Variants in CPOX observed in about 807,000 individuals in gnomAD.
CPOX encodes the protein oxygen-dependent coproporphyrinogen-III oxidase, mitochondrial.
CPOX carries 24 observed loss-of-function variants against 48.9 expected under a neutral mutation model. The ratio of observed to expected loss-of-function variants is 0.49; its 90% CI spans 0.36 to 0.69. The LOEUF is 0.69. CPOX is among the 30% of genes least tolerant of loss of function. The pLI, the probability that CPOX is intolerant of heterozygous loss-of-function variation, is 0.00. For missense variants in CPOX, 549 were observed against 597.3 expected, an observed-to-expected ratio of 0.92 and a Z score of 0.84; for synonymous variants, 249 against 234.6, an observed-to-expected ratio of 1.06 and a Z score of -0.56.
chr3:98,572,378 A>T, the CPOX span, among the ~76,000 whole-genome samples: 1 of 151,786 alleles, frequency 6.6e-6, no homozygotes, highest in Non-Finnish European at 1.5e-5. Flanking sequence ...TATAGCTATC[A>T]TTTTTTACTT....
intron 1 of CPOX, among the ~76,000 whole-genome samples, chr3:98,591,748 G>A (rs1443956580): frequency 6.6e-6 from 1 of 152,090 alleles, no homozygotes; most frequent in Non-Finnish European, 1.5e-5. Context: ...TTTCATGAAA[G>A]TTCATGTTTG....
chr3:98,572,071 C>T, the CPOX span, among the ~76,000 whole-genome samples: 1 of 152,152 alleles, frequency 6.6e-6, no homozygotes, highest in Non-Finnish European at 1.5e-5. Context: ...AAGTTAGAGA[C>T]ACTTTGTTAC....
At chr3:98,582,503 T>C (rs955817183) in intron 5 of CPOX, among the ~76,000 whole-genome samples, 16 of 152,014 alleles carry the variant, frequency 1.1e-4, no homozygotes, top group Non-Finnish European at 5.9e-5. Flanking sequence ...CTTTTCTTTT[T>C]TTTTTTTGAG....
At chr3:98,575,132 C>G (rs1707140845), downstream of CPOX, among the ~76,000 whole-genome samples, 1 of 152,188 alleles carries the variant, frequency 6.6e-6, no homozygotes, top group Admixed American at 6.5e-5. Context: ...AAGCATTATT[C>G]ACTTGCTATT....
In CPOX at chr3:98,593,563, C is replaced by T. The variant is rs960243490; in HGVS notation, c.-59G>A. ...TCCCAGAGCCCTGCGTTTGAGCCCC[C>T]CACCCAGACCCCCGGAGTATTGAGC... On this transcript the variant is annotated 5_prime_UTR_variant, in exon 1 of 7. Coordinates refer to ENST00000647941, the MANE Select transcript of CPOX (RefSeq NM_000097.7). 146 of 1,469,520 alleles carry T rather than the reference C, an allele frequency of 9.9e-5. 1 individual carries two copies. The highest frequency in any genetic ancestry group is 1.2e-4 in the Non-Finnish European group (130 of 1,102,926). 91.0% of individuals were successfully genotyped at this position (1,469,520 alleles called of 1,614,324 possible).
At chr3:98,576,641 T>C (rs1244895538), downstream of CPOX, among the ~76,000 whole-genome samples, 1 of 152,236 alleles carries the variant, frequency 6.6e-6, no homozygotes, top group African/African-American at 2.4e-5. Flanking sequence ...TGGATTGTTA[T>C]GTGTTTCTTT....
In CPOX at chr3:98,593,373, G is replaced by C; in HGVS notation, c.132C>G (p.Ala44=). The C allele has an allele frequency of 2.2e-6, 3 of 1,345,644 alleles. No homozygotes were observed. Among genetic ancestry groups the C allele is most frequent in the Non-Finnish European group, 2.8e-6 (3 of 1,060,456 alleles). The allele number at this position is 1,345,644 out of a possible 1,614,324, so 83.4% of individuals were successfully genotyped here. A position where few individuals can be genotyped will look rare whatever the true frequency, so the allele number is the denominator to read the frequency against. The change falls in exon 1 of 7, where the codon GCC becomes GCG. Residue 44 remains alanine (A), a synonymous_variant. Transcript: ENST00000647941. ...GGCCAGGGGGCCGGCAGACGCGTCC[G>C]GCTGCGCTGCGCTGGGACCAGGCTC... The part of the protein sequence containing the change: ...GLRAWSQRSA[A]GRVCRPPGPA...
chr3:98,585,275 TATA>T (rs1313704937), intron 5 of CPOX, among the ~76,000 whole-genome samples, 163 bp downstream of exon 5: 2 of 152,194 alleles, frequency 1.3e-5, no homozygotes, highest in Non-Finnish European at 2.9e-5. Flanking sequence ...TTGCTATAAT[TATA>T]ATATTACTTT....
chr3:98,592,122 G>C (rs4857405), intron 1 of CPOX, among the ~76,000 whole-genome samples: 1 of 151,820 alleles, frequency 6.6e-6, no homozygotes, highest in Non-Finnish European at 1.5e-5. Context: ...TTGAGGTTGT[G>C]TCCTGGTTCA....
intron 5 of CPOX, 44 bp from the exon 6 acceptor site, chr3:98,581,555 A>G (rs1266571416): frequency 6.8e-7 from 1 of 1,467,176 alleles, no homozygotes; most frequent in Non-Finnish European, 9.6e-7. Context: ...AGCTCAATAA[A>G]ATCTTAAGAC....
chr3:98,589,202 C>T (rs1707427297), intron 3 of CPOX, among the ~76,000 whole-genome samples: 1 of 152,008 alleles, frequency 6.6e-6, no homozygotes, highest in Admixed American at 6.6e-5. Flanking sequence ...ACCTATAATC[C>T]CAGCTACTCG....
intron 4 of CPOX, among the ~76,000 whole-genome samples, chr3:98,587,752 T>C (rs66531283): frequency 0.098 from 14,878 of 151,802 alleles, 971 homozygotes; most frequent in Middle Eastern, 0.15. Flanking sequence ...ACCAAAGCAT[T>C]TATACTAAAA....
chr3:98,585,998 A>G (rs922014710), intron 4 of CPOX: 120 of 337,318 alleles, frequency 3.6e-4, no homozygotes, highest in Non-Finnish European at 9.8e-5. Flanking sequence ...TCAGCGTCCC[A>G]AGTAGCTGGG....
chr3:98,585,208 A>T (rs1707337796), intron 5 of CPOX, among the ~76,000 whole-genome samples: 1 of 152,218 alleles, frequency 6.6e-6, no homozygotes, highest in Non-Finnish European at 1.5e-5. Flanking sequence ...TAAATTCAGG[A>T]AGTACTTACT....
intron 5 of CPOX, among the ~76,000 whole-genome samples, chr3:98,583,115 G>A (rs1707292359): frequency 6.6e-6 from 1 of 152,114 alleles, no homozygotes; most frequent in African/African-American, 2.4e-5. Context: ...ACCTATCGCA[G>A]AGACCCTTGT....
downstream of CPOX, among the ~76,000 whole-genome samples, chr3:98,576,254 G>C (rs767583445): frequency 6.0e-4 from 91 of 152,160 alleles, no homozygotes; most frequent in Non-Finnish European, 1.1e-3. Context: ...CATGGCAGAA[G>C]GCAAAAGGGA....
chr3:98,571,556 C>T, the CPOX span, among the ~76,000 whole-genome samples: 1 of 150,008 alleles, frequency 6.7e-6, no homozygotes, highest in Non-Finnish European at 1.5e-5. Flanking sequence ...GGCGTAGTGG[C>T]GGGCGCCTGT....
At position 98,588,710 on chromosome 3, in the gene CPOX, T is replaced by C. The variant is rs373085466; in HGVS notation, c.953+3A>G. 7.4e-6 allele frequency: 12 copies of C among 1,614,066 alleles called. No individual in the cohort carries two copies. In the East Asian group the frequency reaches 2.0e-4, roughly 27 times the overall value. On this transcript the variant is annotated splice_donor_region_variant and intron_variant, in intron 4 of 6. Transcript: ENST00000647941. ...GTCATGAAAGTTCAGTAACTTTACC[T>C]ACCATTTTTTAAATTTGGGGTAGAG...
chr3:98,571,713 A>G, the CPOX span, among the ~76,000 whole-genome samples: 2 of 151,712 alleles, frequency 1.3e-5, no homozygotes, highest in Admixed American at 6.6e-5. Flanking sequence ...AAAGAAAAAA[A>G]AGAAAACGCT....
Sources: allele counts gnomAD v4.1 joint callset (sites outside exome capture counted in the v4.1 genomes callset), GRCh38; gene constraint gnomAD v4.1.1; transcripts MANE v1.5; gene names NCBI Gene and HGNC (gene_info 2026-07-23, HGNC 2026-07-21).